EYS: variants seen among roughly 807,000 people sequenced by gnomAD.
EYS encodes EGF-like photoreceptor maintenance factor, also known as protein eyes shut homolog.
In EYS, 250 loss-of-function variants were observed where a neutral mutation model predicts 282.1. That is an observed-to-expected ratio of 0.89 (90% CI 0.80 to 0.98). The LOEUF is 0.98. Ranked by LOEUF, EYS falls within the 50% of genes least tolerant of loss-of-function variation. The probability of loss-of-function intolerance (pLI) is 0.00; values close to 1 mark genes in which losing one functional copy is unlikely to be tolerated. For synonymous variants in EYS, 1,355 were observed against 1,282.9 expected (o/e 1.06, Z -1.20); for missense variants, 4,016 against 3,709.0 (o/e 1.08, Z -2.15).
intron 26 of EYS, among the ~76,000 whole-genome samples, chr6:64,546,922 G>A (rs1358615747): frequency 6.6e-6 from 1 of 152,196 alleles, no homozygotes; most frequent in African/African-American, 2.4e-5. Context: ...TACACTGTTG[G>A]TGCTGTGTCC....
chr6:64,177,676 C>T (rs1764676992), intron 31 of EYS, among the ~76,000 whole-genome samples: 1 of 152,016 alleles, frequency 6.6e-6, no homozygotes, highest in Non-Finnish European at 1.5e-5. Context: ...CTGTAAGAGC[C>T]CTGTGTGGCT....
chr6:63,989,841 T>C (rs1056316481), intron 34 of EYS, among the ~76,000 whole-genome samples: 2 of 151,222 alleles, frequency 1.3e-5, no homozygotes, highest in African/African-American at 4.8e-5. Flanking sequence ...CTATATTTTA[T>C]ATATATATAT....
chr6:65,125,665 C>T (rs774163229), intron 12 of EYS, among the ~76,000 whole-genome samples: 1 of 152,140 alleles, frequency 6.6e-6, no homozygotes, highest in Non-Finnish European at 1.5e-5. Flanking sequence ...TCCTTGCTCT[C>T]CTACTCCCTC....
At chr6:64,265,689 A>G (rs978023498) in intron 30 of EYS, among the ~76,000 whole-genome samples, 6 of 152,174 alleles carry the variant, frequency 3.9e-5, no homozygotes, top group African/African-American at 1.4e-4. Context: ...AGTACTTCTC[A>G]TTACCAATTG....
intron 35 of EYS, among the ~76,000 whole-genome samples, chr6:63,955,160 T>C (rs1446286025): frequency 6.6e-6 from 1 of 152,204 alleles, no homozygotes; most frequent in African/African-American, 2.4e-5. Flanking sequence ...TTCCCTTCTG[T>C]CAAACATAAT....
intron 41 of EYS, among the ~76,000 whole-genome samples, chr6:63,737,697 G>T (rs1258149574): frequency 6.6e-6 from 1 of 152,134 alleles, no homozygotes; most frequent in Non-Finnish European, 1.5e-5. Flanking sequence ...GGTAGAATTT[G>T]GCTGTGAATC....
At position 65,514,888 on chromosome 6, in the gene EYS, T is replaced by G. The variant is rs374181073; in HGVS notation, c.-332-18895A>C. Among the ~76,000 whole-genome samples the G allele has an allele frequency of 5.3e-5, 8 of 152,122 alleles. No individual in the cohort carries two copies. In the South Asian group the frequency reaches 1.5e-3, roughly 28 times the overall value. On this transcript the variant is annotated intron_variant, in intron 2 of 42. Transcript: ENST00000503581. ...TTAGGACATAGGCATGGGCAAGGACTTCATGTCTAAAACACCAAAAGCAAT... is the reference window on the plus strand; with the variant it reads ...TTAGGACATAGGCATGGGCAAGGACGTCATGTCTAAAACACCAAAAGCAAT...
At chr6:64,544,198 T>C (rs180951914) in intron 26 of EYS, among the ~76,000 whole-genome samples, 22 of 152,300 alleles carry the variant, frequency 1.4e-4, no homozygotes, top group African/African-American at 4.6e-4. Flanking sequence ...GATTTGAGAA[T>C]TTTTCTTTTT....
chr6:63,843,924 T>C (rs1772030273), intron 36 of EYS, among the ~76,000 whole-genome samples: 1 of 152,202 alleles, frequency 6.6e-6, no homozygotes, highest in Non-Finnish European at 1.5e-5. Flanking sequence ...ACACATGCCA[T>C]GGTGGTTTGC....
intron 2 of EYS, among the ~76,000 whole-genome samples, chr6:65,598,953 T>G (rs894195413): frequency 2.6e-5 from 4 of 152,026 alleles, no homozygotes; most frequent in African/African-American, 9.7e-5. Context: ...TTAGAACAGG[T>G]GTGTGGTGTA....
intron 31 of EYS, among the ~76,000 whole-genome samples, chr6:64,217,112 C>T (rs1765953959): frequency 6.6e-6 from 1 of 152,154 alleles, no homozygotes; most frequent in Non-Finnish European, 1.5e-5. Context: ...CACCATGTGA[C>T]TTTTATGATT....
intron 14 of EYS, among the ~76,000 whole-genome samples, chr6:64,969,430 A>T (rs1770213619): frequency 6.6e-6 from 1 of 152,200 alleles, no homozygotes; most frequent in African/African-American, 2.4e-5. Context: ...TCATTAAGGC[A>T]TTGAAAAAGG....
chr6:65,375,501 C>T (rs545491927), intron 8 of EYS, among the ~76,000 whole-genome samples: 1 of 152,144 alleles, frequency 6.6e-6, no homozygotes, highest in South Asian at 2.1e-4. Flanking sequence ...ATCACGACTC[C>T]TCTCCAGCAA....
intron 26 of EYS, among the ~76,000 whole-genome samples, chr6:64,533,193 C>G (rs544838519): frequency 6.6e-6 from 1 of 152,172 alleles, no homozygotes; most frequent in East Asian, 1.9e-4. Context: ...TTAAAAAGAT[C>G]AGAGCATATG....
intron 2 of EYS, among the ~76,000 whole-genome samples, chr6:65,563,508 G>A (rs1019602826): frequency 2.0e-5 from 3 of 151,800 alleles, no homozygotes; most frequent in Admixed American, 6.6e-5. Context: ...ATTTTATAAA[G>A]CATAGTATCT....
intron 22 of EYS, among the ~76,000 whole-genome samples, chr6:64,770,548 T>A (rs1773495714): frequency 6.6e-6 from 1 of 151,904 alleles, no homozygotes; most frequent in Admixed American, 6.6e-5. Flanking sequence ...TATTGACCCA[T>A]AATGGTTGCC....
In EYS at chr6:64,334,726, A is replaced by G. The variant is rs181997713; in HGVS notation, c.6079-27644T>C. ...GGATTATCTTTTAGCTTCAGAAGGA[A>G]GAGTTTGTGGAAAGCTTAATTCAAT... On this transcript the variant is annotated intron_variant, in intron 29 of 42. Coordinates refer to ENST00000503581, the MANE Select transcript of EYS (RefSeq NM_001142800.2). 5.1e-4 allele frequency among the ~76,000 whole-genome samples: 77 copies of G among 152,288 alleles called. 1 individual carries two copies. In the East Asian group the frequency reaches 0.013, roughly 25 times the overall value.
intron 29 of EYS, among the ~76,000 whole-genome samples, chr6:64,367,940 T>C (rs750446163): frequency 1.2e-4 from 19 of 152,138 alleles, no homozygotes; most frequent in Non-Finnish European, 1.3e-4. Context: ...CATCTTCTAC[T>C]TTTGTTTAAC....
intron 31 of EYS, among the ~76,000 whole-genome samples, chr6:64,227,016 G>A (rs563067607): frequency 6.6e-6 from 1 of 152,140 alleles, no homozygotes; most frequent in South Asian, 2.1e-4. Flanking sequence ...AAGTAAAAAG[G>A]AATGAGGCTT....
Sources: gnomAD v4.1 joint callset for allele counts (sites outside exome capture counted in the v4.1 genomes callset) on GRCh38, gnomAD v4.1.1 for gene constraint, MANE v1.5 for transcripts, NCBI Gene and HGNC (gene_info 2026-07-23, HGNC 2026-07-21) for gene names.